SKAP1: variants seen among roughly 807,000 people sequenced by gnomAD.
The protein encoded by SKAP1 is src kinase associated phosphoprotein 1, also known as src kinase-associated phosphoprotein 1.
SKAP1 carries 44 observed loss-of-function variants against 58.5 expected under a neutral mutation model. The observed-to-expected ratio is 0.75, with a 90% confidence interval of 0.59 to 0.97. The LOEUF (loss-of-function observed/expected upper bound fraction) is 0.97, where lower values mean the gene tolerates loss of function less well. Ranked by LOEUF, SKAP1 falls within the 50% of genes least tolerant of loss-of-function variation. The probability of loss-of-function intolerance (pLI) is 0.00; values close to 1 mark genes in which losing one functional copy is unlikely to be tolerated. For missense variants in SKAP1, 390 were observed against 435.2 expected, an observed-to-expected ratio of 0.90 and a Z score of 0.92; for synonymous variants, 127 against 149.7, an observed-to-expected ratio of 0.85 and a Z score of 1.11.
At chr17:48,431,701 C>T (rs751347527), upstream of SKAP1, among the ~76,000 whole-genome samples, 7 of 152,098 alleles carry the variant, frequency 4.6e-5, no homozygotes, top group Non-Finnish European at 1.0e-4. Flanking sequence ...TGCCTTTTTC[C>T]TTCTTTGTAA....
At chr17:48,178,594 C>T (rs1429658331) in intron 9 of SKAP1, among the ~76,000 whole-genome samples, 1 of 152,182 alleles carries the variant, frequency 6.6e-6, no homozygotes, top group African/African-American at 2.4e-5. Flanking sequence ...TATAAAATTA[C>T]CCATCACTGC....
At chr17:48,412,223 C>G (rs915512306) in intron 1 of SKAP1, among the ~76,000 whole-genome samples, 1 of 152,170 alleles carries the variant, frequency 6.6e-6, no homozygotes, top group African/African-American at 2.4e-5. Flanking sequence ...TCAATTCATT[C>G]ATTAACCTGA....
At chr17:48,438,614 C>T in the SKAP1 span, among the ~76,000 whole-genome samples, 2 of 152,178 alleles carry the variant, frequency 1.3e-5, no homozygotes, top group Admixed American at 1.3e-4. Context: ...TCCTCCCTGC[C>T]CTATCTATTC....
At chr17:48,379,110 G>A (rs2067183749) in intron 2 of SKAP1, among the ~76,000 whole-genome samples, 1 of 152,194 alleles carries the variant, frequency 6.6e-6, no homozygotes, top group Non-Finnish European at 1.5e-5. Context: ...AGAAAGCTTT[G>A]TTAAATTGAA....
At chr17:48,222,514 C>G (rs1470768227) in intron 4 of SKAP1, among the ~76,000 whole-genome samples, 2 of 151,866 alleles carry the variant, frequency 1.3e-5, no homozygotes, top group Non-Finnish European at 2.9e-5. Flanking sequence ...GAGTGTTGCT[C>G]TGTCACCCAG....
intron 4 of SKAP1, among the ~76,000 whole-genome samples, chr17:48,238,363 T>C (rs1194562590): frequency 1.3e-5 from 2 of 152,196 alleles, no homozygotes; most frequent in Admixed American, 6.5e-5. Flanking sequence ...TTATCTTTCA[T>C]GTAGTCATGA....
At chr17:48,193,053 T>C (rs1417808932) in intron 4 of SKAP1, among the ~76,000 whole-genome samples, 1 of 152,180 alleles carries the variant, frequency 6.6e-6, no homozygotes, top group African/African-American at 2.4e-5. Context: ...TTTCTTTCTT[T>C]TTTTTGAGAC....
intron 4 of SKAP1, among the ~76,000 whole-genome samples, chr17:48,224,034 GAAGAA>G (rs2065036088): frequency 1.1e-5 from 1 of 88,726 alleles, no homozygotes; most frequent in African/African-American, 4.7e-5. Context: ...GAGAGAGAGA[GAAGAA>G]GGAGGAGGAG....
intron 4 of SKAP1, among the ~76,000 whole-genome samples, chr17:48,223,210 T>C (rs2065026101): frequency 6.6e-6 from 1 of 152,240 alleles, no homozygotes; most frequent in South Asian, 2.1e-4. Flanking sequence ...GATTCTCACT[T>C]GGTAAATGGA....
chr17:48,153,644 C>T (rs1250317010), intron 11 of SKAP1, among the ~76,000 whole-genome samples: 1 of 151,980 alleles, frequency 6.6e-6, no homozygotes, highest in Non-Finnish European at 1.5e-5. Flanking sequence ...CATAGGATCC[C>T]CTCACCCACC....
chr17:48,441,909 A>G, the SKAP1 span, among the ~76,000 whole-genome samples: 14,000 of 152,212 alleles, frequency 0.092, 989 homozygotes, highest in African/African-American at 0.17. Flanking sequence ...GAACTCCATG[A>G]TCTCGAAAGG....
intron 4 of SKAP1, among the ~76,000 whole-genome samples, chr17:48,298,283 C>T (rs1023469380): frequency 3.9e-5 from 6 of 152,128 alleles, no homozygotes; most frequent in Non-Finnish European, 8.8e-5. Context: ...TCAGAGTGAG[C>T]GTCAACAAAC....
At chr17:48,173,779 AG>A (rs1318740920) in intron 9 of SKAP1, among the ~76,000 whole-genome samples, 1 of 152,178 alleles carries the variant, frequency 6.6e-6, no homozygotes, top group East Asian at 1.9e-4. Flanking sequence ...CCGAAGTTGG[AG>A]GGTCACAGTG....
chr17:48,293,923 G>A (rs962767086), intron 4 of SKAP1, among the ~76,000 whole-genome samples: 2 of 152,152 alleles, frequency 1.3e-5, no homozygotes, highest in Non-Finnish European at 2.9e-5. Context: ...TTAGAAGTGC[G>A]GGAAGGAGGG....
At chr17:48,207,443 G>A (rs577934002) in intron 4 of SKAP1, among the ~76,000 whole-genome samples, 6 of 144,996 alleles carry the variant, frequency 4.1e-5, no homozygotes, top group Non-Finnish European at 6.0e-5. Context: ...CTGAGATTGC[G>A]CCACTACACT....
intron 3 of SKAP1, 125 bp downstream of exon 3, chr17:48,363,664 C>G (rs759004362): frequency 1.2e-5 from 9 of 774,232 alleles, no homozygotes; most frequent in Non-Finnish European, 1.7e-5. Context: ...ATTAAACACT[C>G]CACTAACTTT....
intron 4 of SKAP1, among the ~76,000 whole-genome samples, chr17:48,241,182 C>T (rs2065240506): frequency 6.6e-6 from 1 of 152,038 alleles, no homozygotes; most frequent in Non-Finnish European, 1.5e-5. Context: ...CATCACTAGC[C>T]TCTAGCAATG....
At chr17:48,299,532 C>T (rs538267145) in intron 4 of SKAP1, among the ~76,000 whole-genome samples, 1 of 152,088 alleles carries the variant, frequency 6.6e-6, no homozygotes, top group South Asian at 2.1e-4. Flanking sequence ...TTTCAAGGTT[C>T]TTTGAAAGTT....
chr17:48,372,214 T>C (rs1426490393), intron 2 of SKAP1, among the ~76,000 whole-genome samples: 1 of 152,122 alleles, frequency 6.6e-6, no homozygotes, highest in African/African-American at 2.4e-5. Flanking sequence ...TCAAGTGATT[T>C]ACCCACCTCA....
Sources: allele counts gnomAD v4.1 joint callset (sites outside exome capture counted in the v4.1 genomes callset), GRCh38; gene constraint gnomAD v4.1.1; transcripts MANE v1.5; gene names NCBI Gene and HGNC (gene_info 2026-07-23, HGNC 2026-07-21).